The following BAZ2B variants were observed in gnomAD, a reference collection of about 807,000 sequenced individuals.
BAZ2B encodes bromodomain adjacent to zinc finger domain protein 2B.
BAZ2B carries 91 observed loss-of-function variants against 246.0 expected under a neutral mutation model. That is an observed-to-expected ratio of 0.37 (90% CI 0.31 to 0.44). BAZ2B has a LOEUF of 0.44. BAZ2B is among the 20% of genes least tolerant of loss of function. BAZ2B has a pLI of 1.00. For synonymous variants in BAZ2B, 855 were observed against 860.0 expected (o/e 0.99, Z 0.10); for missense variants, 2,332 against 2,533.7 (o/e 0.92, Z 1.71).
chr2:159,394,444 T>C (rs1401841368), intron 20 of BAZ2B, among the ~76,000 whole-genome samples: 1 of 152,118 alleles, frequency 6.6e-6, no homozygotes, highest in Non-Finnish European at 1.5e-5. Flanking sequence ...TCAATTATTA[T>C]GTTAGGTATA....
intron 1 of BAZ2B, among the ~76,000 whole-genome samples, chr2:159,560,322 CA>C (rs1453406661): frequency 1.3e-5 from 2 of 152,084 alleles, no homozygotes; most frequent in Non-Finnish European, 1.5e-5. Flanking sequence ...TTTAATCATT[CA>C]TTTATATATC....
chr2:159,532,495 G>A (rs1022998786), intron 2 of BAZ2B, among the ~76,000 whole-genome samples: 11 of 152,148 alleles, frequency 7.2e-5, no homozygotes, highest in African/African-American at 2.4e-4. Context: ...CTCAAACTGC[G>A]GAAATAATAA....
intron 7 of BAZ2B, 71 bp downstream of exon 7, chr2:159,438,938 A>C (rs945446664): frequency 2.0e-6 from 3 of 1,464,414 alleles, no homozygotes; most frequent in Non-Finnish European, 1.9e-6. Flanking sequence ...ACAGACTTTG[A>C]GAGTCAAGAT....
At chr2:159,394,710 C>T (rs2063783907) in intron 20 of BAZ2B, among the ~76,000 whole-genome samples, 2 of 152,224 alleles carry the variant, frequency 1.3e-5, no homozygotes, top group South Asian at 4.2e-4. Flanking sequence ...AGGCACTGTT[C>T]CAAGAACTTT....
chr2:159,466,368 C>A (rs1269760669), intron 3 of BAZ2B, among the ~76,000 whole-genome samples: 1 of 152,142 alleles, frequency 6.6e-6, no homozygotes, highest in Non-Finnish European at 1.5e-5. Context: ...TTCATCTCTC[C>A]TTCCCTTCCT....
At chr2:159,629,402 T>A in the BAZ2B span, among the ~76,000 whole-genome samples, 2 of 152,126 alleles carry the variant, frequency 1.3e-5, no homozygotes, top group Admixed American at 1.3e-4. Context: ...CTATTCACAA[T>A]AGCAAAGACT....
intron 1 of BAZ2B, among the ~76,000 whole-genome samples, chr2:159,585,845 A>G (rs994232141): frequency 6.6e-6 from 1 of 152,232 alleles, no homozygotes; most frequent in Admixed American, 6.5e-5. Context: ...TTCCTCTCTT[A>G]TTAGAAGGCT....
intron 27 of BAZ2B, among the ~76,000 whole-genome samples, chr2:159,365,462 A>G (rs568879220): frequency 1.3e-5 from 2 of 152,160 alleles, no homozygotes; most frequent in African/African-American, 4.8e-5. Context: ...CTCAATAGTT[A>G]TTTCCTTTTG....
chr2:159,548,363 A>C (rs1189923677), intron 2 of BAZ2B, among the ~76,000 whole-genome samples: 1 of 152,206 alleles, frequency 6.6e-6, no homozygotes, highest in Non-Finnish European at 1.5e-5. Flanking sequence ...AAAGTGAAAA[A>C]TAAAGGTCAG....
intron 31 of BAZ2B, among the ~76,000 whole-genome samples, chr2:159,346,994 T>C (rs2067975828): frequency 6.6e-6 from 1 of 152,192 alleles, no homozygotes; most frequent in Non-Finnish European, 1.5e-5. Context: ...ATAACATATA[T>C]TTGGATATAT....
At chr2:159,499,931 T>C (rs946922260) in intron 2 of BAZ2B, among the ~76,000 whole-genome samples, 6 of 152,202 alleles carry the variant, frequency 3.9e-5, no homozygotes, top group African/African-American at 1.2e-4. Context: ...CCTTGTCAGT[T>C]GGATAGATTA....
intron 1 of BAZ2B, among the ~76,000 whole-genome samples, chr2:159,600,377 T>C (rs1418011373): frequency 1.3e-5 from 2 of 152,136 alleles, no homozygotes; most frequent in African/African-American, 4.8e-5. Flanking sequence ...TAGGAATATA[T>C]GATTATCCAT....
In BAZ2B at chr2:159,552,291, AC is replaced by A. The variant is rs556730394; in HGVS notation, c.-3+3531del. Among the ~76,000 whole-genome samples the A allele has an allele frequency of 6.8e-4, 104 of 152,294 alleles. 3 individuals carry two copies. In the South Asian group the frequency reaches 0.021, roughly 31 times the overall value. ...AAGTCAATAAAGTTATCACTAATAT[AC>A]ATAATGTAGAAATCTATTTATTAAA... is the stretch of plus-strand genomic sequence containing the variant. On this transcript the variant is annotated intron_variant, in intron 2 of 36. Coordinates refer to ENST00000392783, the MANE Select transcript of BAZ2B (RefSeq NM_013450.4).
the BAZ2B span, among the ~76,000 whole-genome samples, chr2:159,701,388 ATT>A: frequency 6.6e-6 from 1 of 151,716 alleles, no homozygotes; most frequent in Non-Finnish European, 1.5e-5. Context: ...GTATTTCTTG[ATT>A]TTTAATAGGA....
the BAZ2B span, among the ~76,000 whole-genome samples, chr2:159,656,208 A>C: frequency 1.3e-5 from 2 of 152,154 alleles, no homozygotes; most frequent in African/African-American, 4.8e-5. Context: ...AAGCAATTGT[A>C]GTTTTACAAA....
intron 2 of BAZ2B, among the ~76,000 whole-genome samples, chr2:159,491,283 C>T (rs762043111): frequency 1.3e-5 from 2 of 152,074 alleles, no homozygotes; most frequent in Non-Finnish European, 2.9e-5. Flanking sequence ...CAAACATTCC[C>T]AATTTAAGTA....
intron 1 of BAZ2B, among the ~76,000 whole-genome samples, chr2:159,591,609 T>C (rs1051016351): frequency 2.0e-5 from 3 of 152,294 alleles, no homozygotes; most frequent in East Asian, 1.9e-4. Flanking sequence ...AGGGAGGACC[T>C]TGCCATTCCA....
chr2:159,455,780 T>G (rs1371008328), intron 3 of BAZ2B, among the ~76,000 whole-genome samples: 2 of 147,636 alleles, frequency 1.4e-5, no homozygotes, highest in African/African-American at 4.9e-5. Flanking sequence ...TTTTTTTTTT[T>G]TTTTTTTTGG....
intron 34 of BAZ2B, among the ~76,000 whole-genome samples, chr2:159,328,299 A>C (rs1233245554): frequency 6.6e-6 from 1 of 152,150 alleles, no homozygotes; most frequent in Non-Finnish European, 1.5e-5. Context: ...GCTAGAGTAC[A>C]AATTCAAAGA....
Sources: allele counts gnomAD v4.1 joint callset (sites outside exome capture counted in the v4.1 genomes callset), GRCh38; gene constraint gnomAD v4.1.1; transcripts MANE v1.5; gene names NCBI Gene and HGNC (gene_info 2026-07-23, HGNC 2026-07-21).